BMP7: variants seen among roughly 807,000 people sequenced by gnomAD.
BMP7 encodes osteogenic protein 1.
A neutral mutation model predicts 41.2 loss-of-function variants in BMP7; 12 were observed. The ratio of observed to expected loss-of-function variants is 0.29; its 90% CI spans 0.19 to 0.47. BMP7 has a LOEUF of 0.47. Among genes scored for constraint, BMP7 ranks in the 20% least tolerant of loss-of-function variants. The pLI is 0.99. For synonymous variants in BMP7, 248 were observed against 250.0 expected, an observed-to-expected ratio of 0.99 and a Z score of 0.07; for missense variants, 467 against 606.0, an observed-to-expected ratio of 0.77 and a Z score of 2.41.
intron 1 of BMP7, among the ~76,000 whole-genome samples, chr20:57,242,445 A>G (rs931093891): frequency 6.6e-6 from 1 of 152,208 alleles, no homozygotes; most frequent in Non-Finnish European, 1.5e-5. Context: ...ACTGGGCCTC[A>G]GTTTCCTCCC....
At chr20:57,189,259 CAG>C (rs1302437774) in intron 3 of BMP7, among the ~76,000 whole-genome samples, 1 of 152,210 alleles carries the variant, frequency 6.6e-6, no homozygotes, top group East Asian at 1.9e-4. Flanking sequence ...TGACTGCAAA[CAG>C]AGGAAATCAC....
At chr20:57,222,446 G>A (rs576840235) in intron 2 of BMP7, among the ~76,000 whole-genome samples, 1 of 152,206 alleles carries the variant, frequency 6.6e-6, no homozygotes, top group South Asian at 2.1e-4. Flanking sequence ...CTGCCCAGCT[G>A]GGTGGCTTTT....
intron 6 of BMP7, chr20:57,172,873 T>G: frequency 1.7e-6 from 1 of 579,656 alleles, no homozygotes; most frequent in East Asian, 2.9e-5. Context: ...TACTGGAAAA[T>G]GAAGCAGGGC....
chr20:57,265,602 G>C, intron 1 of BMP7, 103 bp downstream of exon 1: 1 of 1,502,846 alleles, frequency 6.7e-7, no homozygotes, highest in Non-Finnish European at 9.0e-7. Flanking sequence ...ATTTCAGCCA[G>C]GAGCGGAAAG....
intron 1 of BMP7, among the ~76,000 whole-genome samples, chr20:57,244,929 T>C (rs2066083854): frequency 6.6e-6 from 1 of 152,202 alleles, no homozygotes; most frequent in East Asian, 1.9e-4. Context: ...TTATAATCCT[T>C]CCTGAGGCCT....
intron 1 of BMP7, among the ~76,000 whole-genome samples, chr20:57,257,389 A>T (rs78637870): frequency 0.017 from 2,551 of 152,278 alleles, 60 homozygotes; most frequent in African/African-American, 0.058. Flanking sequence ...TTAAAATTTA[A>T]TTTTAATTAA....
rs185786532 is a variant in BMP7, at chr20:57,262,649, C to T, written c.418+3056G>A. 5.5e-4 allele frequency among the ~76,000 whole-genome samples: 83 copies of T among 152,262 alleles called. No individual in the cohort carries two copies. The South Asian group carries it at 7.3e-3, about 13-fold the overall frequency. On this transcript the variant is annotated intron_variant, in intron 1 of 6. Transcript: ENST00000395863. ...GGTCCCCCCTCCCGCGCACGCAGGC[C>T]GCCTGCCTGCAAGACAGCAGAGCTC...
chr20:57,262,935 C>G (rs539626406), intron 1 of BMP7, among the ~76,000 whole-genome samples: 2 of 152,258 alleles, frequency 1.3e-5, no homozygotes, highest in South Asian at 2.1e-4. Context: ...ACACCTCCCC[C>G]CAACCCTCTC....
chr20:57,191,921 A>G lies in BMP7; in HGVS notation c.761-8002T>C, dbSNP rs1404283802. Among the ~76,000 whole-genome samples the G allele has an allele frequency of 3.0e-5, 4 of 132,876 alleles. No individual in the cohort carries two copies. The East Asian group carries it at 8.4e-4, about 28-fold the overall frequency. 87.2% of individuals were successfully genotyped at this position (132,876 alleles called of 152,430 possible). ...AGATAGTATACATACTATATATTAT[A>G]TATTTTCTATTATAGTATATTATAT... On this transcript the variant is annotated intron_variant, in intron 3 of 6. Coordinates refer to ENST00000395863, the MANE Select transcript of BMP7 (RefSeq NM_001719.3).
chr20:57,202,103 G>A (rs1984634521), intron 3 of BMP7, among the ~76,000 whole-genome samples: 1 of 152,206 alleles, frequency 6.6e-6, no homozygotes, highest in African/African-American at 2.4e-5. Flanking sequence ...GCACGGAACA[G>A]TCCAGAATGT....
intron 6 of BMP7, among the ~76,000 whole-genome samples, chr20:57,172,523 T>TACTGATCAA (rs1983835324): frequency 6.6e-6 from 1 of 151,948 alleles, no homozygotes; most frequent in East Asian, 1.9e-4. Flanking sequence ...CAAGGCAGGG[T>TACTGATCAA]GGATGATCAG....
Position 57,202,335 on chromosome 20 carries a change from T to C in BMP7, c.760+140A>G. ...GGGAAGGGGCTGCTTCTGGTTTGGA[T>C]CAAAAGGCTGAACATGGAGTACTGG... On this transcript the variant is annotated intron_variant, in intron 3 of 6. Coordinates refer to ENST00000395863, the MANE Select transcript of BMP7 (RefSeq NM_001719.3). 3.3e-6 allele frequency: 4 copies of C among 1,210,570 alleles called. No homozygotes were observed. In the South Asian group the frequency reaches 5.3e-5, roughly 16 times the overall value. 75.0% of individuals were successfully genotyped at this position (1,210,570 alleles called of 1,614,324 possible).
chr20:57,242,297 C>T lies in BMP7; in HGVS notation c.419-13876G>A, dbSNP rs149556636. Among the ~76,000 whole-genome samples, 661 of 152,300 alleles carry T rather than the reference C, an allele frequency of 4.3e-3. 3 individuals carry two copies. Among genetic ancestry groups the T allele is most frequent in the African/African-American group, 0.015 (629 of 41,554 alleles). On this transcript the variant is annotated intron_variant, in intron 1 of 6. Transcript: ENST00000395863. Reference sequence around the variant, plus strand: ...TTTCACAATGCTCAGGATGGTCCCCCATCCAACCCCAAATGTGACTAGTGC... The same window carrying T: ...TTTCACAATGCTCAGGATGGTCCCCTATCCAACCCCAAATGTGACTAGTGC...
At chr20:57,260,471 T>C (rs556333568) in intron 1 of BMP7, among the ~76,000 whole-genome samples, 7 of 152,292 alleles carry the variant, frequency 4.6e-5, no homozygotes, top group East Asian at 1.9e-4. Flanking sequence ...GCAATTTGAG[T>C]GTGTAAAGCT....
At chr20:57,181,561 T>C (rs528366827) in intron 4 of BMP7, among the ~76,000 whole-genome samples, 1 of 152,124 alleles carries the variant, frequency 6.6e-6, no homozygotes, top group South Asian at 2.1e-4. Flanking sequence ...GATGTATTCT[T>C]TCCTATCGCT....
At chr20:57,227,034 C>T (rs1452454392) in intron 2 of BMP7, among the ~76,000 whole-genome samples, 2 of 152,166 alleles carry the variant, frequency 1.3e-5, no homozygotes, top group Non-Finnish European at 1.5e-5. Context: ...ACCGTGTTGG[C>T]CAGGCTGGTC....
At chr20:57,181,962 C>A (rs1033389842) in intron 4 of BMP7, among the ~76,000 whole-genome samples, 1 of 152,224 alleles carries the variant, frequency 6.6e-6, no homozygotes, top group Non-Finnish European at 1.5e-5. Context: ...AAGACACTGG[C>A]ATCTTGGAGA....
intron 1 of BMP7, among the ~76,000 whole-genome samples, chr20:57,250,199 G>A (rs953293073): frequency 6.6e-6 from 1 of 151,850 alleles, no homozygotes; most frequent in Non-Finnish European, 1.5e-5. Context: ...GGGAGGCTGA[G>A]GCAGGAGGAC....
Position 57,259,722 on chromosome 20 carries a change from A to T in BMP7, c.418+5983T>A, listed in dbSNP as rs948731223. On this transcript the variant is annotated intron_variant, in intron 1 of 6. Coordinates refer to ENST00000395863, the MANE Select transcript of BMP7 (RefSeq NM_001719.3). The surrounding 1 kb of genome is among the most constrained non-coding windows in gnomAD (Gnocchi z 4.7). ...TTGCACATGCTTGCCTGAGTTTCGC[A>T]TAAGTAAGTGTCAAACTTCATGCAC... Among the ~76,000 whole-genome samples the T allele has an allele frequency of 6.6e-6, 1 of 152,206 alleles. No individual in the cohort carries two copies. Among genetic ancestry groups the T allele is most frequent in the African/African-American group, 2.4e-5 (1 of 41,452 alleles).
Sources: gnomAD v4.1 joint callset for allele counts (sites outside exome capture counted in the v4.1 genomes callset) on GRCh38, gnomAD v4.1.1 for gene constraint, Gnocchi (gnomAD v3.1) non-coding constraint, MANE v1.5 for transcripts, NCBI Gene and HGNC (gene_info 2026-07-23, HGNC 2026-07-21) for gene names.